F13A1: variants seen among roughly 807,000 people sequenced by gnomAD.
F13A1 encodes coagulation factor XIII A chain.
In F13A1, 47 loss-of-function variants were observed where a neutral mutation model predicts 80.1. That is an observed-to-expected ratio of 0.59 (90% CI 0.46 to 0.75). F13A1 has a LOEUF of 0.75. Among genes scored for constraint, F13A1 ranks in the 30% least tolerant of loss-of-function variants. The probability of loss-of-function intolerance (pLI) is 0.00; values close to 1 mark genes in which losing one functional copy is unlikely to be tolerated. For synonymous variants in F13A1, 349 were observed against 344.9 expected (o/e 1.01, Z -0.13); for missense variants, 817 against 930.4 (o/e 0.88, Z 1.59).
rs2151071502 is a variant in F13A1, at chr6:6,162,999, G to C, written c.1908+4459C>G. ...TAGAGGGTTAAATAAGATCATAGAA[G>C]AGAGGCGTTTAATAATGTAGTGCTT... On this transcript the variant is annotated intron_variant, in intron 13 of 14. Coordinates refer to ENST00000264870, the MANE Select transcript of F13A1 (RefSeq NM_000129.4). This position sits in a 1 kb window ranked among gnomAD's most constrained non-coding sequence, Gnocchi z 4.2. Among the ~76,000 whole-genome samples, 1 of 152,322 alleles carries C rather than the reference G, an allele frequency of 6.6e-6. No individual in the cohort carries two copies. Among genetic ancestry groups the C allele is most frequent in the South Asian group, 2.1e-4 (1 of 4,820 alleles).
In F13A1 at chr6:6,236,117, A is replaced by T. The variant is rs185323661; in HGVS notation, c.799-11257T>A. Among the ~76,000 whole-genome samples, 7 of 152,282 alleles carry T rather than the reference A, an allele frequency of 4.6e-5. 1 individual carries two copies. The East Asian group carries it at 1.2e-3, about 25-fold the overall frequency. ...ACACAAATCAATGTATAATGACAGA[A>T]GGCTGAGCAGTGATGGGGGATGGTA... On this transcript the variant is annotated intron_variant, in intron 6 of 14. Coordinates refer to ENST00000264870, the MANE Select transcript of F13A1 (RefSeq NM_000129.4).
chr6:6,248,658 A>T (rs992529476), intron 5 of F13A1, among the ~76,000 whole-genome samples: 1 of 152,228 alleles, frequency 6.6e-6, no homozygotes, highest in South Asian at 2.1e-4. Context: ...CAGAAATACT[A>T]GAGAGTTGAT....
intron 11 of F13A1, among the ~76,000 whole-genome samples, chr6:6,178,865 G>A (rs1367512290): frequency 6.6e-6 from 1 of 152,222 alleles, no homozygotes; most frequent in Non-Finnish European, 1.5e-5. Context: ...GGTCAAGTAA[G>A]CTGAAGTCTG....
At chr6:6,278,304 G>A (rs115644792) in intron 3 of F13A1, among the ~76,000 whole-genome samples, 149 of 152,314 alleles carry the variant, frequency 9.8e-4, no homozygotes, top group African/African-American at 3.4e-3. Context: ...GACTAGAGCA[G>A]CTTAAGAGGA....
chr6:6,197,761 T>C (rs2151082798), intron 8 of F13A1, among the ~76,000 whole-genome samples: 1 of 152,292 alleles, frequency 6.6e-6, no homozygotes. Context: ...TGAGGGCTCC[T>C]GGAGATATCC....
At chr6:6,170,278 T>C (rs776673518) in intron 12 of F13A1, among the ~76,000 whole-genome samples, 29 of 152,346 alleles carry the variant, frequency 1.9e-4, no homozygotes, top group Admixed American at 2.6e-4. Context: ...TGGGATATGA[T>C]TTCTTTACAG....
At chr6:6,155,835 A>C (rs1380703896) in intron 13 of F13A1, among the ~76,000 whole-genome samples, 1 of 152,236 alleles carries the variant, frequency 6.6e-6, no homozygotes, top group Middle Eastern at 3.2e-3. Context: ...TTTGCATCAC[A>C]TTATTTTAGG....
At chr6:6,199,530 C>T (rs1761355375) in intron 8 of F13A1, among the ~76,000 whole-genome samples, 1 of 151,908 alleles carries the variant, frequency 6.6e-6, no homozygotes, top group African/African-American at 2.4e-5. Context: ...TATAATTACC[C>T]CCAGTTTACA....
At chr6:6,226,386 T>C (rs976528940) in intron 6 of F13A1, among the ~76,000 whole-genome samples, 10 of 152,230 alleles carry the variant, frequency 6.6e-5, no homozygotes, top group African/African-American at 2.4e-4. Context: ...ACAAGATCAC[T>C]GGGTGATTTG....
intron 3 of F13A1, among the ~76,000 whole-genome samples, chr6:6,276,621 C>T (rs1328500788): frequency 6.6e-6 from 1 of 152,106 alleles, no homozygotes; most frequent in Non-Finnish European, 1.5e-5. Flanking sequence ...CTCTAGGCTA[C>T]ATAGCTATCA....
chr6:6,224,702 A>G lies in F13A1; in HGVS notation c.957T>C (p.Ala319=), dbSNP rs1583080757. 1.9e-6 allele frequency: 3 copies of G among 1,614,114 alleles called. No homozygotes were observed. In the South Asian group the frequency reaches 3.3e-5, roughly 18 times the overall value. The change falls in exon 7 of 15, where the codon GCT becomes GCC. Residue 319 remains alanine (A), a synonymous_variant. Coordinates refer to ENST00000264870, the MANE Select transcript of F13A1 (RefSeq NM_000129.4). ...GATACTTACATGTGTTAAAGACACC[A>G]GCAAAAACCCAGCATTGGCCATACC... ...PVRYGQCWVF[A]GVFNTFLRCL... is the part of the protein sequence containing the mutation.
intron 8 of F13A1, among the ~76,000 whole-genome samples, chr6:6,221,052 C>T (rs926892484): frequency 3.0e-4 from 45 of 152,156 alleles, no homozygotes; most frequent in African/African-American, 1.1e-3. Context: ...GCTTGTATAA[C>T]AGAAAGTGTT....
At chr6:6,258,507 G>A (rs1470691356) in intron 4 of F13A1, among the ~76,000 whole-genome samples, 2 of 152,142 alleles carry the variant, frequency 1.3e-5, no homozygotes, top group African/African-American at 4.8e-5. Flanking sequence ...GGGTGAATGT[G>A]TCTCTGCATT....
chr6:6,298,738 G>T (rs900936209), intron 3 of F13A1, among the ~76,000 whole-genome samples: 2 of 149,978 alleles, frequency 1.3e-5, no homozygotes, highest in African/African-American at 5.1e-5. Context: ...GGAGCATTTA[G>T]TCCATTTACA....
intron 3 of F13A1, among the ~76,000 whole-genome samples, chr6:6,294,505 A>G (rs917903214): frequency 6.6e-6 from 1 of 150,772 alleles, no homozygotes; most frequent in Non-Finnish European, 1.5e-5. Flanking sequence ...TCCCCTTTAT[A>G]TGTATATACA....
At chr6:6,238,886 G>A (rs569335300) in intron 6 of F13A1, among the ~76,000 whole-genome samples, 16 of 152,220 alleles carry the variant, frequency 1.1e-4, no homozygotes, top group South Asian at 2.1e-4. Context: ...GGAGAAACTG[G>A]AACTCTCATA....
chr6:6,314,995 T>C (rs3024338), intron 2 of F13A1, among the ~76,000 whole-genome samples: 131 of 152,334 alleles, frequency 8.6e-4, no homozygotes, highest in African/African-American at 3.0e-3. Context: ...CTTAGAAAGG[T>C]ATAAGACCCC....
At chr6:6,152,397 C>T (rs73357515) in intron 13 of F13A1, among the ~76,000 whole-genome samples, 6,370 of 152,202 alleles carry the variant, frequency 0.042, 449 homozygotes, top group African/African-American at 0.15. Context: ...TAGACACATT[C>T]GCAAGAAATA....
intron 8 of F13A1, among the ~76,000 whole-genome samples, chr6:6,209,824 G>A (rs144843330): frequency 7.1e-4 from 108 of 152,292 alleles, no homozygotes; most frequent in African/African-American, 2.3e-3. Flanking sequence ...AAGTAGATTC[G>A]AGGTTGCCAG....
Sources: gnomAD v4.1 joint callset for allele counts (sites outside exome capture counted in the v4.1 genomes callset) on GRCh38, gnomAD v4.1.1 for gene constraint, Gnocchi (gnomAD v3.1) non-coding constraint, MANE v1.5 for transcripts, NCBI Gene and HGNC (gene_info 2026-07-23, HGNC 2026-07-21) for gene names.